The following VAV2 variants were observed in gnomAD, a reference collection of about 807,000 sequenced individuals.
The protein encoded by VAV2 is vav guanine nucleotide exchange factor 2.
VAV2 carries 67 observed loss-of-function variants against 132.5 expected under a neutral mutation model. That is an observed-to-expected ratio of 0.51 (90% CI 0.42 to 0.62). The LOEUF is 0.62. VAV2 is among the 20% of genes least tolerant of loss of function. The probability of loss-of-function intolerance (pLI) is 0.00; values close to 1 mark genes in which losing one functional copy is unlikely to be tolerated. For synonymous variants in VAV2, 492 were observed against 443.5 expected (o/e 1.11, Z -1.37); for missense variants, 938 against 1,153.6 (o/e 0.81, Z 2.71).
At chr9:133,986,119 G>T (rs1265637429) in intron 1 of VAV2, among the ~76,000 whole-genome samples, 1 of 152,108 alleles carries the variant, frequency 6.6e-6, no homozygotes, top group Non-Finnish European at 1.5e-5. Context: ...AACAGCAAAC[G>T]GAAACCAAGT....
rs931217750 is a variant in VAV2 at position 133,858,630 on chromosome 9, T to C, written c.380+2744A>G. ...TCACTGAGTGTGTTTACTGAGCCCT[T>C]CTCTGGGCCGAGCCCTGAGCCCTGG... On this transcript the variant is annotated intron_variant, in intron 3 of 29. Transcript: ENST00000371850. 1.4e-4 allele frequency among the ~76,000 whole-genome samples: 21 copies of C among 152,278 alleles called. 1 individual carries two copies. Among genetic ancestry groups the C allele is most frequent in the Admixed American group, 1.2e-3 (19 of 15,302 alleles).
rs541750080 is a variant in VAV2 at position 133,785,919 on chromosome 9, A to G, written c.1423-34T>C. 6.9e-5 allele frequency: 110 copies of G among 1,585,014 alleles called. No individual in the cohort carries two copies. The East Asian group carries it at 2.2e-3, about 32-fold the overall frequency. On this transcript the variant is annotated intron_variant, in intron 16 of 29. Transcript: ENST00000371850. ...GGGAGAGGGGCCATGCTTGCAATAG[A>G]CACGGCTTCAGACATCCTGGCACAT...
At chr9:133,873,750 A>G (rs79542887) in intron 2 of VAV2, among the ~76,000 whole-genome samples, 4,717 of 152,254 alleles carry the variant, frequency 0.031, 148 homozygotes, top group African/African-American at 0.074. Flanking sequence ...CCCGTCCTTC[A>G]TGGAAGCAGC....
intron 2 of VAV2, among the ~76,000 whole-genome samples, chr9:133,864,038 G>A (rs879353428): frequency 7.9e-5 from 12 of 152,084 alleles, no homozygotes; most frequent in Non-Finnish European, 1.6e-4. Flanking sequence ...CGGCTCTCAG[G>A]CAATGATCAA....
rs1194257326 is a variant in VAV2, at chr9:133,919,205, C to G, written c.321+19898G>C. ...ACCCCCTCACTGCTGTGCCCTGGCA[C>G]CTCTGACACTCCCCAACCACTGAAA... On this transcript the variant is annotated intron_variant, in intron 2 of 29. Transcript: ENST00000371850. The surrounding 1 kb of genome is among the most constrained non-coding windows in gnomAD (Gnocchi z 5.8). Among the ~76,000 whole-genome samples, 1 of 152,212 alleles carries G rather than the reference C, an allele frequency of 6.6e-6. No homozygotes were observed. The highest frequency in any genetic ancestry group is 2.4e-5 in the African/African-American group (1 of 41,456).
intron 2 of VAV2, among the ~76,000 whole-genome samples, chr9:133,929,214 C>T (rs1840588349): frequency 6.6e-6 from 1 of 152,172 alleles, no homozygotes; most frequent in Non-Finnish European, 1.5e-5. Context: ...GGTCCACTCT[C>T]ACCTGGCCCC....
intron 2 of VAV2, among the ~76,000 whole-genome samples, chr9:133,892,494 T>G (rs1335415002): frequency 3.3e-5 from 5 of 151,988 alleles, no homozygotes; most frequent in African/African-American, 1.2e-4. Context: ...CAGAATTAAG[T>G]CACTTGGCCA....
intron 3 of VAV2, among the ~76,000 whole-genome samples, chr9:133,837,594 G>A (rs1836521161): frequency 1.3e-5 from 2 of 151,616 alleles, no homozygotes; most frequent in South Asian, 4.2e-4. Context: ...AGCTACTCGG[G>A]AAGCTGAGGC....
Position 133,958,331 on chromosome 9 carries a change from C to CT in VAV2, c.205-19113dup, listed in dbSNP as rs534952702. 1.4e-4 allele frequency among the ~76,000 whole-genome samples: 20 copies of CT among 146,354 alleles called. No individual in the cohort carries two copies. The East Asian group carries it at 3.6e-3, about 26-fold the overall frequency. ...AAAACCGGATTGTACGTTCCATCTACTGAGATAGGGAAAAACCGCCTTAGG... is the reference window on the plus strand; with the variant it reads ...AAAACCGGATTGTACGTTCCATCTACTTGAGATAGGGAAAAACCGCCTTAGG... On this transcript the variant is annotated intron_variant, in intron 1 of 29. Transcript: ENST00000371850.
At chr9:133,881,842 G>A (rs893149786) in intron 2 of VAV2, among the ~76,000 whole-genome samples, 11 of 152,212 alleles carry the variant, frequency 7.2e-5, no homozygotes, top group Non-Finnish European at 1.2e-4. Flanking sequence ...CAGTGGCCCC[G>A]GCTGGCATCA....
Position 133,861,354 on chromosome 9 carries a change from G to A in VAV2, c.380+20C>T. ...GAGATGAAAGGACCCGGCCTTGGCA[G>A]CGCACTCCGGAGAGCTCACCTGATC... is the stretch of plus-strand genomic sequence containing the variant. On this transcript the variant is annotated intron_variant, in intron 3 of 29. Coordinates refer to ENST00000371850, the MANE Select transcript of VAV2 (RefSeq NM_001134398.2). The A allele has an allele frequency of 1.2e-6, 2 of 1,605,310 alleles. No homozygotes were observed. Among genetic ancestry groups the A allele is most frequent in the Non-Finnish European group, 8.5e-7 (1 of 1,175,100 alleles).
At chr9:133,827,069 G>T (rs928271308) in intron 4 of VAV2, among the ~76,000 whole-genome samples, 1 of 152,218 alleles carries the variant, frequency 6.6e-6, no homozygotes, top group Non-Finnish European at 1.5e-5. Context: ...TAGGAACGCT[G>T]GCTGCAGTGC....
At chr9:133,838,824 T>C (rs1228126005) in intron 3 of VAV2, among the ~76,000 whole-genome samples, 3 of 116,976 alleles carry the variant, frequency 2.6e-5, no homozygotes, top group South Asian at 6.3e-4. Context: ...AATGGATAGG[T>C]TGGTGAGTGG....
At chr9:133,983,551 G>A (rs553686065) in intron 1 of VAV2, among the ~76,000 whole-genome samples, 81 of 152,190 alleles carry the variant, frequency 5.3e-4, no homozygotes, top group Middle Eastern at 3.4e-3. Flanking sequence ...CTCTCACGGC[G>A]GCCCCCACAC....
In VAV2 at chr9:133,833,446, C is replaced by T. The variant is rs986098099; in HGVS notation, c.449+826G>A. ...AAACCGTAGTTGAGCTAAGAACACA[C>T]AAGCTGCTGTCAAACAGCTCCAGAG... On this transcript the variant is annotated intron_variant, in intron 4 of 29. Transcript: ENST00000371850. This position sits in a 1 kb window ranked among gnomAD's most constrained non-coding sequence, Gnocchi z 5.6. Among the ~76,000 whole-genome samples the T allele has an allele frequency of 2.0e-5, 3 of 152,228 alleles. No homozygotes were observed. Among genetic ancestry groups the T allele is most frequent in the Non-Finnish European group, 2.9e-5 (2 of 68,032 alleles).
chr9:133,770,098 C>T (rs1199268710), intron 27 of VAV2, among the ~76,000 whole-genome samples: 2 of 152,226 alleles, frequency 1.3e-5, no homozygotes, highest in African/African-American at 4.8e-5. Context: ...GCGCAGGGGT[C>T]TCTGCCTGGA....
rs1486689102 is a variant in VAV2, at chr9:133,840,878, C to A, written c.381-6538G>T. Among the ~76,000 whole-genome samples, 3 of 152,164 alleles carry A rather than the reference C, an allele frequency of 2.0e-5. No homozygotes were observed. The highest frequency in any genetic ancestry group is 4.4e-5 in the Non-Finnish European group (3 of 68,034). On this transcript the variant is annotated intron_variant, in intron 3 of 29. Transcript: ENST00000371850. The surrounding 1 kb of genome is among the most constrained non-coding windows in gnomAD (Gnocchi z 4.5). ...ACTGTGCCTACAGCTGCATGGTGGCCCCACAGTCCAGAGGGAGGGGCACAT... is the reference window on the plus strand; with the variant it reads ...ACTGTGCCTACAGCTGCATGGTGGCACCACAGTCCAGAGGGAGGGGCACAT...
intron 3 of VAV2, among the ~76,000 whole-genome samples, chr9:133,846,252 T>TGG (rs2131824607): frequency 6.6e-6 from 1 of 152,278 alleles, no homozygotes; most frequent in African/African-American, 2.4e-5. Context: ...AGAGCAGCCC[T>TGG]GGGTCATCGC....
Position 133,769,437 on chromosome 9 carries a change from GGGCCCTGAGAAGCAAAGCTGA to G in VAV2, c.2393_2413del (p.Leu798_Gly804del), listed in dbSNP as rs749971764. On this transcript the variant is annotated inframe_deletion, in exon 28 of 30. Coordinates refer to ENST00000371850, the MANE Select transcript of VAV2 (RefSeq NM_001134398.2). The surrounding 1 kb of genome is among the most constrained non-coding windows in gnomAD (Gnocchi z 8.1). ...GGTACCTGACCAGAAGGGAGCGGAG[GGGCCCTGAGAAGCAAAGCTGA>G]GGCCCTGAGGACTGAGAAAAGAAAA... 1 of 1,612,944 alleles carries G rather than the reference GGGCCCTGAGAAGCAAAGCTGA, an allele frequency of 6.2e-7. No homozygotes were observed. Among genetic ancestry groups the G allele is most frequent in the Non-Finnish European group, 8.5e-7 (1 of 1,179,516 alleles).
Sources: gnomAD v4.1 joint callset for allele counts (sites outside exome capture counted in the v4.1 genomes callset) on GRCh38, gnomAD v4.1.1 for gene constraint, Gnocchi (gnomAD v3.1) non-coding constraint, MANE v1.5 for transcripts, NCBI Gene and HGNC (gene_info 2026-07-23, HGNC 2026-07-21) for gene names.